UVRAG: variants seen among roughly 807,000 people sequenced by gnomAD.
The protein encoded by UVRAG is UV radiation resistance associated.
UVRAG carries 19 observed loss-of-function variants against 78.0 expected under a neutral mutation model. The observed-to-expected ratio is 0.24, with a 90% CI of 0.17 to 0.36. The LOEUF is 0.36. Ranked by LOEUF, UVRAG falls within the 10% of genes least tolerant of loss-of-function variation. UVRAG has a pLI of 1.00. For missense variants in UVRAG, 740 were observed against 853.8 expected (o/e 0.87, Z 1.66); for synonymous variants, 323 against 324.6 (o/e 1.00, Z 0.05).
intron 4 of UVRAG, among the ~76,000 whole-genome samples, chr11:75,880,958 A>ATTTTTTT (rs1590969847): frequency 9.9e-6 from 1 of 101,114 alleles, no homozygotes; most frequent in African/African-American, 4.1e-5. Context: ...TTTTTTTTAA[A>ATTTTTTT]TTAAAGACAG....
intron 13 of UVRAG, among the ~76,000 whole-genome samples, chr11:76,114,497 C>A (rs1019533853): frequency 2.0e-5 from 3 of 152,106 alleles, no homozygotes; most frequent in African/African-American, 7.2e-5. Flanking sequence ...AATTTACTTC[C>A]CCTTTCTGGG....
At chr11:76,021,010 T>G (rs1488274065) in intron 12 of UVRAG, among the ~76,000 whole-genome samples, 1 of 152,086 alleles carries the variant, frequency 6.6e-6, no homozygotes, top group African/African-American at 2.4e-5. Context: ...AGCACTGAGT[T>G]GAATGCAAAG....
intron 2 of UVRAG, among the ~76,000 whole-genome samples, chr11:75,861,390 T>C (rs999978877): frequency 8.5e-5 from 13 of 152,070 alleles, no homozygotes; most frequent in Admixed American, 8.5e-4. Flanking sequence ...TTCGAGATGT[T>C]TGAGAAAAAC....
intron 6 of UVRAG, among the ~76,000 whole-genome samples, chr11:75,955,450 A>G (rs1223662670): frequency 6.6e-6 from 1 of 152,244 alleles, no homozygotes; most frequent in Non-Finnish European, 1.5e-5. Context: ...TAGTGATATC[A>G]TCAAATGCCT....
intron 13 of UVRAG, among the ~76,000 whole-genome samples, chr11:76,107,712 ATTCT>A (rs1951996338): frequency 6.6e-6 from 1 of 152,186 alleles, no homozygotes; most frequent in East Asian, 1.9e-4. Flanking sequence ...CATATTAAAT[ATTCT>A]TTAAGTAGCT....
intron 5 of UVRAG, among the ~76,000 whole-genome samples, chr11:75,903,383 G>C (rs1947550525): frequency 6.6e-6 from 1 of 152,026 alleles, no homozygotes; most frequent in African/African-American, 2.4e-5. Flanking sequence ...CTGTGTTCTG[G>C]CCCTCCTTAC....
intron 7 of UVRAG, among the ~76,000 whole-genome samples, chr11:75,971,113 A>G (rs756869931): frequency 6.6e-6 from 1 of 152,220 alleles, no homozygotes; most frequent in Non-Finnish European, 1.5e-5. Context: ...CACAGTATGT[A>G]GCTTTTTCAG....
At chr11:76,118,948 T>G (rs1363460977) in intron 14 of UVRAG, among the ~76,000 whole-genome samples, 1 of 152,034 alleles carries the variant, frequency 6.6e-6, no homozygotes, top group Non-Finnish European at 1.5e-5. Context: ...AGAAAAAAAC[T>G]ACTGTTTTTT....
chr11:75,906,575 T>G lies in UVRAG; in HGVS notation c.508-5379T>G, dbSNP rs373031889. On this transcript the variant is annotated intron_variant, in intron 5 of 14. Coordinates refer to ENST00000356136, the MANE Select transcript of UVRAG (RefSeq NM_003369.4). ...GTTAGCTAGGCTGGTCTCGAACTCCTGACCTCAAGTGATCTGCCCACCTCA... is the reference window on the plus strand; with the variant it reads ...GTTAGCTAGGCTGGTCTCGAACTCCGGACCTCAAGTGATCTGCCCACCTCA... Among the ~76,000 whole-genome samples the G allele has an allele frequency of 4.0e-3, 605 of 152,280 alleles. 3 individuals carry two copies. The highest frequency in any genetic ancestry group is 0.014 in the African/African-American group (587 of 41,562).
At chr11:75,885,925 A>G (rs1947066557) in intron 4 of UVRAG, among the ~76,000 whole-genome samples, 3 of 147,964 alleles carry the variant, frequency 2.0e-5, no homozygotes, top group South Asian at 2.1e-4. Context: ...AAATACTTTC[A>G]TATCTTATTA....
intron 5 of UVRAG, chr11:75,911,634 T>A: frequency 4.6e-6 from 1 of 216,928 alleles, no homozygotes; most frequent in Non-Finnish European, 9.1e-6. Context: ...CTGGGGGCTG[T>A]TGTCTTCCTC....
chr11:75,926,039 G>T (rs962201791), intron 6 of UVRAG, among the ~76,000 whole-genome samples: 1 of 145,886 alleles, frequency 6.9e-6, no homozygotes, highest in Non-Finnish European at 1.5e-5. Context: ...CCCAGTAAAA[G>T]TTTTTTTTTT....
intron 12 of UVRAG, among the ~76,000 whole-genome samples, chr11:76,038,600 A>G (rs1309454951): frequency 6.6e-6 from 1 of 152,216 alleles, no homozygotes; most frequent in Non-Finnish European, 1.5e-5. Flanking sequence ...ACAGATACTG[A>G]GAGATGAATG....
intron 14 of UVRAG, among the ~76,000 whole-genome samples, chr11:76,121,917 G>A (rs1385027042): frequency 3.9e-5 from 6 of 152,078 alleles, no homozygotes; most frequent in Non-Finnish European, 7.4e-5. Context: ...TCTTTGCCGA[G>A]TCTTACCCAC....
At chr11:75,838,721 G>A (rs1420468924) in intron 1 of UVRAG, among the ~76,000 whole-genome samples, 3 of 152,070 alleles carry the variant, frequency 2.0e-5, no homozygotes, top group African/African-American at 7.2e-5. Flanking sequence ...AATATCTGTT[G>A]GAATATTTGT....
chr11:76,060,395 G>A (rs1951059963), intron 12 of UVRAG, among the ~76,000 whole-genome samples: 1 of 152,186 alleles, frequency 6.6e-6, no homozygotes, highest in Non-Finnish European at 1.5e-5. Context: ...TGAAATTGAG[G>A]GGTGACAGCG....
At chr11:76,109,879 T>A (rs1238559575) in intron 13 of UVRAG, among the ~76,000 whole-genome samples, 4 of 152,240 alleles carry the variant, frequency 2.6e-5, no homozygotes, top group African/African-American at 9.6e-5. Flanking sequence ...ACAGCAGAGC[T>A]GGGTCTTTCA....
At chr11:76,045,162 G>A (rs1950725393) in intron 12 of UVRAG, among the ~76,000 whole-genome samples, 1 of 152,190 alleles carries the variant, frequency 6.6e-6, no homozygotes, top group Non-Finnish European at 1.5e-5. Flanking sequence ...ACTAATGCTG[G>A]ATTCAGAGAC....
At chr11:76,001,594 A>G (rs1028068276) in intron 8 of UVRAG, among the ~76,000 whole-genome samples, 8 of 152,186 alleles carry the variant, frequency 5.3e-5, no homozygotes, top group Non-Finnish European at 1.0e-4. Flanking sequence ...AGAATTACCA[A>G]TATCAGGAAT....
Sources: allele counts gnomAD v4.1 joint callset (sites outside exome capture counted in the v4.1 genomes callset), GRCh38; gene constraint gnomAD v4.1.1; transcripts MANE v1.5; gene names NCBI Gene and HGNC (gene_info 2026-07-23, HGNC 2026-07-21).